ZSWIM1: variants seen among roughly 807,000 people sequenced by gnomAD.
ZSWIM1 encodes the protein zinc finger SWIM-type containing 1, also known as zinc finger SWIM domain-containing protein 1.
ZSWIM1 carries 22 observed loss-of-function variants against 29.3 expected under a neutral mutation model. The observed-to-expected ratio is 0.75, with a 90% confidence interval of 0.54 to 1.07. The LOEUF is 1.07. Ranked by LOEUF, ZSWIM1 falls within the 50% of genes least tolerant of loss-of-function variation. The pLI is 0.00. For synonymous variants in ZSWIM1, 228 were observed against 240.8 expected (o/e 0.95, Z 0.49); for missense variants, 511 against 596.2 (o/e 0.86, Z 1.49).
In ZSWIM1 at chr20:45,883,923, C is replaced by G; in HGVS notation, c.1331C>G (p.Thr444Ser). 6.2e-7 allele frequency: 1 copy of G among 1,614,160 alleles called. No individual in the cohort carries two copies. The highest frequency in any genetic ancestry group is 8.5e-7 in the Non-Finnish European group (1 of 1,180,036). Residue 444 changes from threonine to serine, a missense_variant, in exon 2 of 2, where the codon ACT (threonine) becomes AGT (serine). Coordinates refer to ENST00000372523, the MANE Select transcript of ZSWIM1 (RefSeq NM_080603.5). ...ACCCTGGATAAGCACCTGGCAGTGACTCACCTCACCGAGGAGGTGGGTCAG... is the reference window on the plus strand; with the variant it reads ...ACCCTGGATAAGCACCTGGCAGTGAGTCACCTCACCGAGGAGGTGGGTCAG... ...SETLDKHLAV[T>S]HLTEEVGQLL... is the part of the protein sequence containing the mutation.
rs1986403391 is a variant in ZSWIM1, at chr20:45,884,151, C to T, written c.*101C>T. ...ACACACACACACACACACTCCCTTA[C>T]ACTGTTGTACTTCCGTGGGCCCTCC... On this transcript the variant is annotated 3_prime_UTR_variant, in exon 2 of 2. Coordinates refer to ENST00000372523, the MANE Select transcript of ZSWIM1 (RefSeq NM_080603.5). 46 of 1,424,874 alleles carry T rather than the reference C, an allele frequency of 3.2e-5. 1 individual carries two copies. The South Asian group carries it at 5.6e-4, about 17-fold the overall frequency. 88.3% of individuals were successfully genotyped at this position (1,424,874 alleles called of 1,614,324 possible).
chr20:45,883,201 C>T lies in ZSWIM1; in HGVS notation c.609C>T (p.Cys203=). The change falls in exon 2 of 2, where the codon TGC becomes TGT. Residue 203 remains cysteine (C), a synonymous_variant. Coordinates refer to ENST00000372523, the MANE Select transcript of ZSWIM1 (RefSeq NM_080603.5). The part of the protein sequence containing the change: ...LLLTSLQSTM[C]SATAGNLRKL... ...TGACCTCCCTGCAGAGCACAATGTG[C>T]TCAGCCACAGCAGGCAACCTGAGAA... The T allele has an allele frequency of 6.2e-7, 1 of 1,613,926 alleles. No individual in the cohort carries two copies. Among genetic ancestry groups the T allele is most frequent in the Non-Finnish European group, 8.5e-7 (1 of 1,180,028 alleles).
At chr20:45,882,229 G>A (rs928810749) in intron 1 of ZSWIM1, among the ~76,000 whole-genome samples, 6 of 152,216 alleles carry the variant, frequency 3.9e-5, no homozygotes, top group South Asian at 2.1e-4. Context: ...TCTTTCCATA[G>A]CTAACTTCTT....
chr20:45,882,747 T>C lies in ZSWIM1; in HGVS notation c.155T>C (p.Val52Ala). The stretch of plus-strand genomic sequence containing the variant: ...AGCCCACCTATGCTGCTGCACCAGG[T>C]TAACAAGACTGCCCAGTTAGATACC... The part of the protein sequence containing the change: ...DSSPPMLLHQ[V>A]NKTAQLDTFN... Residue 52 changes from valine (V) to alanine (A), a missense_variant, in exon 2 of 2, where the codon GTT becomes GCT. Val to Ala is a moderately conservative substitution (Grantham distance 64). Transcript: ENST00000372523. 1 of 1,614,260 alleles carries C rather than the reference T, an allele frequency of 6.2e-7. No homozygotes were observed. Among genetic ancestry groups the C allele is most frequent in the Non-Finnish European group, 8.5e-7 (1 of 1,180,040 alleles).
At chr20:45,881,650 A>ATC (rs1285225159) in intron 1 of ZSWIM1, among the ~76,000 whole-genome samples, 1 of 152,152 alleles carries the variant, frequency 6.6e-6, no homozygotes, top group Non-Finnish European at 1.5e-5. Context: ...TAAAAGAGGG[A>ATC]TATAGTAGAG....
rs1221359829 is a variant in ZSWIM1 at position 45,882,603 on chromosome 20, G to A, written c.11G>A (p.Arg4Lys). MLE[R>K]LKAPWSAALQ... is the part of the protein sequence containing the mutation. ...GCCTCAACTTACTTGATGCTTGAGA[G>A]ACTCAAAGCCCCGTGGTCAGCTGCC... The change falls in exon 2 of 2, where the codon AGA becomes AAA. Residue 4 changes from arginine (R) to lysine (K), a missense_variant. Transcript: ENST00000372523. 3 of 1,612,492 alleles carry A rather than the reference G, an allele frequency of 1.9e-6. No homozygotes were observed. The highest frequency in any genetic ancestry group is 2.7e-5 in the African/African-American group (2 of 74,872).
At position 45,883,707 on chromosome 20, in the gene ZSWIM1, A is replaced by G. The variant is rs769084724; in HGVS notation, c.1115A>G (p.His372Arg). The G allele has an allele frequency of 1.9e-6, 3 of 1,614,144 alleles. No individual in the cohort carries two copies. Among genetic ancestry groups the G allele is most frequent in the African/African-American group, 1.3e-5 (1 of 75,038 alleles). Reference protein sequence around the residue: ...KMNIQILEDTHKVQPQPPASC... With the variant: ...KMNIQILEDTRKVQPQPPASC... ...AACATACAGATCCTGGAAGATACCC[A>G]TAAGGTGCAGCCCCAGCCCCCTGCC... Residue 372 changes from histidine to arginine, a missense_variant, in exon 2 of 2, where the codon CAT becomes CGT. His to Arg is a conservative substitution (Grantham distance 29). Transcript: ENST00000372523.
chr20:45,883,987 G>T lies in ZSWIM1; in HGVS notation c.1395G>T (p.Arg465Ser). 6.2e-7 allele frequency: 1 copy of T among 1,614,122 alleles called. No individual in the cohort carries two copies. Among genetic ancestry groups the T allele is most frequent in the Non-Finnish European group, 8.5e-7 (1 of 1,180,008 alleles). The part of the protein sequence containing the change: ...QHCTKEEFER[R>S]YSTLRELADS... ...GCACCAAGGAGGAGTTTGAGCGGAG[G>T]TATAGCACCCTGCGGGAACTGGCCG... The change falls in exon 2 of 2, where the codon AGG becomes AGT. Residue 465 changes from arginine (R) to serine (S), a missense_variant. Arg to Ser is a moderately radical substitution (Grantham distance 110). Coordinates refer to ENST00000372523, the MANE Select transcript of ZSWIM1 (RefSeq NM_080603.5).
rs769104044 is a variant in ZSWIM1 at position 45,883,618 on chromosome 20, C to T, written c.1026C>T (p.Cys342=). 4.3e-6 allele frequency: 7 copies of T among 1,614,220 alleles called. No individual in the cohort carries two copies. Among genetic ancestry groups the T allele is most frequent in the Non-Finnish European group, 5.9e-6 (7 of 1,180,040 alleles). The change falls in exon 2 of 2, where the codon TGC becomes TGT. Residue 342 remains cysteine (C), a synonymous_variant. Coordinates refer to ENST00000372523, the MANE Select transcript of ZSWIM1 (RefSeq NM_080603.5). The part of the protein sequence containing the change: ...AICTGPAAQL[C]LGELAVVQKS... Reference sequence around the variant, plus strand: ...GCACAGGGCCAGCAGCCCAACTGTGCCTGGGCGAGCTTGCTGTGGTCCAGA... The same window carrying T: ...GCACAGGGCCAGCAGCCCAACTGTGTCTGGGCGAGCTTGCTGTGGTCCAGA...
rs1177055300 is a variant in ZSWIM1 at position 45,883,391 on chromosome 20, C to T, written c.799C>T (p.Gln267Ter). 5 of 1,614,124 alleles carry T rather than the reference C, an allele frequency of 3.1e-6. No individual in the cohort carries two copies. The highest frequency in any genetic ancestry group is 1.3e-5 in the African/African-American group (1 of 74,934). Reference protein sequence around the residue: ...SLEVTTHILSQFFGTTPSEKQ... With the variant: ...SLEVTTHILS ...CGAGGTCACCACCCACATCCTCAGCCAGTTCTTTGGTACCACCCCATCTGA... is the reference window on the plus strand; with the variant it reads ...CGAGGTCACCACCCACATCCTCAGCTAGTTCTTTGGTACCACCCCATCTGA... Residue 267 changes from glutamine to a stop codon, truncating the protein, a stop_gained, in exon 2 of 2, where the codon CAG becomes TAG. Coordinates refer to ENST00000372523, the MANE Select transcript of ZSWIM1 (RefSeq NM_080603.5). LOFTEE classifies it high-confidence loss of function.
At position 45,885,242 on chromosome 20, in the gene ZSWIM1, A is replaced by G. The variant is rs1020668897; in HGVS notation, c.*1192A>G. On this transcript the variant is annotated 3_prime_UTR_variant, in exon 2 of 2. Transcript: ENST00000372523. ...TTTTCCTTGTCCCATCCTGGGGTCA[A>G]TAAAACTGAATGTTGCATATTCTAG... The G allele has an allele frequency of 4.8e-5, 8 of 166,748 alleles. No individual in the cohort carries two copies. The highest frequency in any genetic ancestry group is 1.7e-4 in the African/African-American group (7 of 41,462). 10.3% of individuals were successfully genotyped at this position (166,748 alleles called of 1,614,324 possible). A position where few individuals can be genotyped will look rare whatever the true frequency, so the allele number is the denominator to read the frequency against.
rs1250835692 is a variant in ZSWIM1, at chr20:45,883,537, C to T, written c.945C>T (p.Ser315=). ...NHAPSDTIPE[S]PKLEQLVESH... ...CTCCCTCAGACACCATCCCCGAAAG[C>T]CCCAAACTGGAGCAGCTGGTAGAAT... Residue 315 remains serine, a synonymous_variant, in exon 2 of 2, where the codon AGC becomes AGT. Transcript: ENST00000372523. 1 of 1,614,240 alleles carries T rather than the reference C, an allele frequency of 6.2e-7. No homozygotes were observed. The highest frequency in any genetic ancestry group is 8.5e-7 in the Non-Finnish European group (1 of 1,180,046).
chr20:45,881,709 A>T (rs1264656422), intron 1 of ZSWIM1, among the ~76,000 whole-genome samples: 1 of 152,238 alleles, frequency 6.6e-6, no homozygotes, highest in South Asian at 2.1e-4. Flanking sequence ...GGTGGAAGGG[A>T]TTGAGGCTCA....
rs1351649438 is a variant in ZSWIM1, at chr20:45,884,455, T to G, written c.*405T>G. The G allele has an allele frequency of 6.7e-6, 1 of 148,162 alleles. No individual in the cohort carries two copies. The highest frequency in any genetic ancestry group is 2.3e-4 in the East Asian group (1 of 4,404). 9.2% of individuals were successfully genotyped at this position (148,162 alleles called of 1,614,324 possible). The stretch of plus-strand genomic sequence containing the variant: ...TCTGCTCACTGCAAGCTCCACCTCC[T>G]GGGTTCACACCATTCTCCTGCCTCA... On this transcript the variant is annotated 3_prime_UTR_variant, in exon 2 of 2. Transcript: ENST00000372523.
In ZSWIM1 at chr20:45,883,836, C is replaced by T; in HGVS notation, c.1244C>T (p.Ala415Val). The T allele has an allele frequency of 6.2e-7, 1 of 1,613,672 alleles. No individual in the cohort carries two copies. Among genetic ancestry groups the T allele is most frequent in the Non-Finnish European group, 8.5e-7 (1 of 1,180,020 alleles). ...GTGCTCCAGCCCGACATGCTGCCGG[C>T]TCAGTGGACGGCAGGCTGTGCTACC... ...RQVLQPDMLPAQWTAGCATSL... is the reference protein window; with the variant it reads ...RQVLQPDMLPVQWTAGCATSL... Residue 415 changes from alanine (A) to valine (V), a missense_variant, in exon 2 of 2, where the codon GCT becomes GTT. Physicochemically the swap from Ala to Val is moderately conservative, Grantham distance 64 (BLOSUM62 0). Coordinates refer to ENST00000372523, the MANE Select transcript of ZSWIM1 (RefSeq NM_080603.5).
upstream of ZSWIM1, chr20:45,881,098 T>G (rs1264999719): frequency 1.3e-5 from 2 of 152,136 alleles, no homozygotes; most frequent in East Asian, 3.9e-4. Context: ...CGCCCGCGAA[T>G]CGTCACGCTA....
In ZSWIM1 at chr20:45,884,048, T is replaced by C; in HGVS notation, c.1456T>C (p.Ter486ArgextTer64). ...TGGGCCTTATGAGCAGGTCCAACTCTGATTATTCTCGATGCCCAGAGATGC... is the reference window on the plus strand; with the variant it reads ...TGGGCCTTATGAGCAGGTCCAACTCCGATTATTCTCGATGCCCAGAGATGC... ...WIGPYEQVQL* is the reference protein window; with the variant it reads ...WIGPYEQVQLR Residue 486 changes from the stop codon to arginine, a stop_lost, in exon 2 of 2, where the codon TGA becomes CGA. Transcript: ENST00000372523. 1 of 1,606,748 alleles carries C rather than the reference T, an allele frequency of 6.2e-7. No homozygotes were observed. The highest frequency in any genetic ancestry group is 8.5e-7 in the Non-Finnish European group (1 of 1,174,572).
Position 45,883,853 on chromosome 20 carries a change from T to C in ZSWIM1, c.1261T>C (p.Cys421Arg). The C allele has an allele frequency of 6.2e-7, 1 of 1,613,650 alleles. No homozygotes were observed. Among genetic ancestry groups the C allele is most frequent in the Non-Finnish European group, 8.5e-7 (1 of 1,180,014 alleles). ...GCTGCCGGCTCAGTGGACGGCAGGC[T>C]GTGCTACCAGTCTAGACAGCATCCT... is the stretch of plus-strand genomic sequence containing the variant. ...DMLPAQWTAG[C>R]ATSLDSILGS... The change falls in exon 2 of 2, where the codon TGT becomes CGT. Residue 421 changes from cysteine (C) to arginine (R), a missense_variant. Coordinates refer to ENST00000372523, the MANE Select transcript of ZSWIM1 (RefSeq NM_080603.5).
At chr20:45,882,199 T>A (rs1208547637) in intron 1 of ZSWIM1, among the ~76,000 whole-genome samples, 3 of 152,194 alleles carry the variant, frequency 2.0e-5, no homozygotes, top group African/African-American at 7.2e-5. Flanking sequence ...CCATACCTAT[T>A]TAAATCCCCT....
Sources: gnomAD v4.1 joint callset for allele counts (sites outside exome capture counted in the v4.1 genomes callset) on GRCh38, gnomAD v4.1.1 for gene constraint, MANE v1.5 for transcripts, NCBI Gene and HGNC (gene_info 2026-07-23, HGNC 2026-07-21) for gene names.